Variants in PTPRM observed in about 807,000 individuals in gnomAD.
PTPRM encodes the protein receptor-type tyrosine-protein phosphatase mu.
Under a neutral mutation model 186.7 loss-of-function variants are expected in PTPRM, and 47 were observed. The observed-to-expected ratio is 0.25, with a 90% CI of 0.20 to 0.32. The LOEUF is 0.32. Among genes scored for constraint, PTPRM ranks in the 10% least tolerant of loss-of-function variants. The probability of loss-of-function intolerance (pLI) is 1.00; values close to 1 mark genes in which losing one functional copy is unlikely to be tolerated. For missense variants in PTPRM, 1,494 were observed against 1,865.0 expected (o/e 0.80, Z 3.66); for synonymous variants, 668 against 674.9 (o/e 0.99, Z 0.16).
rs536149949 is a variant in PTPRM at position 8,107,644 on chromosome 18, G to A, written c.1857-5842G>A. On this transcript the variant is annotated intron_variant, in intron 11 of 32. Transcript: ENST00000580170. ...TGAGAGAACATAAAAAATGCTTGTG[G>A]TGCCCCACAAATATTCCACAGCAAT... Among the ~76,000 whole-genome samples, 6 of 152,244 alleles carry A rather than the reference G, an allele frequency of 3.9e-5. No homozygotes were observed. In the East Asian group the frequency reaches 7.7e-4, roughly 20 times the overall value.
At chr18:7,792,712 T>C (rs2043401874) in intron 2 of PTPRM, among the ~76,000 whole-genome samples, 1 of 152,244 alleles carries the variant, frequency 6.6e-6, no homozygotes, top group Admixed American at 6.5e-5. Context: ...TGTCGCCAGC[T>C]GGAGTGCAGT....
At chr18:8,273,642 C>T (rs924863492) in intron 19 of PTPRM, among the ~76,000 whole-genome samples, 2 of 152,160 alleles carry the variant, frequency 1.3e-5, no homozygotes, top group Non-Finnish European at 2.9e-5. Context: ...AAGATCCTCC[C>T]AGTAAAAACA....
chr18:7,630,199 G>A (rs1017686601), intron 1 of PTPRM, among the ~76,000 whole-genome samples: 1 of 152,140 alleles, frequency 6.6e-6, no homozygotes, highest in Non-Finnish European at 1.5e-5. Flanking sequence ...TGAAATTGTC[G>A]AGGGAGCAGG....
In PTPRM at chr18:7,793,614, C is replaced by G. The variant is rs557827682; in HGVS notation, c.196+19343C>G. Among the ~76,000 whole-genome samples the G allele has an allele frequency of 4.6e-5, 7 of 152,180 alleles. No homozygotes were observed. The East Asian group carries it at 1.4e-3, about 29-fold the overall frequency. ...TTTGGCTAAAAGTTGGTTATTTTCC[C>G]CATTCTTCCTTATTCAACAGTGGCT... is the stretch of plus-strand genomic sequence containing the variant. On this transcript the variant is annotated intron_variant, in intron 2 of 32. Coordinates refer to ENST00000580170, the MANE Select transcript of PTPRM (RefSeq NM_001105244.2).
chr18:7,761,935 T>C (rs1403082329), intron 1 of PTPRM, among the ~76,000 whole-genome samples: 1 of 152,210 alleles, frequency 6.6e-6, no homozygotes, highest in African/African-American at 2.4e-5. Context: ...AGATGTTTTT[T>C]CTTCAGCGCT....
chr18:7,658,351 T>TATATATATATATATATATATAC (rs1296978439), intron 1 of PTPRM, among the ~76,000 whole-genome samples: 33 of 133,818 alleles, frequency 2.5e-4, no homozygotes, highest in African/African-American at 9.3e-4. Context: ...TATATATATA[T>TATATATATATATATATATATAC]ATATATATAC....
At chr18:7,704,044 G>C (rs982319993) in intron 1 of PTPRM, among the ~76,000 whole-genome samples, 1 of 152,112 alleles carries the variant, frequency 6.6e-6, no homozygotes, top group East Asian at 1.9e-4. Context: ...TGGTGAATAA[G>C]GTTTTTGATA....
intron 13 of PTPRM, among the ~76,000 whole-genome samples, chr18:8,136,543 T>C (rs1199216742): frequency 6.6e-6 from 1 of 152,172 alleles, no homozygotes; most frequent in Admixed American, 6.5e-5. Context: ...TATGAAAAAT[T>C]ATGTTTCTGA....
At chr18:8,267,424 G>A (rs555932403) in intron 19 of PTPRM, among the ~76,000 whole-genome samples, 14 of 151,288 alleles carry the variant, frequency 9.3e-5, no homozygotes, top group Non-Finnish European at 1.9e-4. Context: ...AAGAAATTTG[G>A]AAATTTTAAA....
intron 2 of PTPRM, among the ~76,000 whole-genome samples, chr18:7,863,934 A>C (rs2047529364): frequency 6.6e-6 from 1 of 152,098 alleles, no homozygotes; most frequent in Non-Finnish European, 1.5e-5. Context: ...TTTGATTTGC[A>C]TTTCTCTAAT....
intron 14 of PTPRM, among the ~76,000 whole-genome samples, chr18:8,216,665 T>C (rs2094090284): frequency 6.6e-6 from 1 of 152,270 alleles, no homozygotes; most frequent in Non-Finnish European, 1.5e-5. Flanking sequence ...TTTGTTTTTC[T>C]TTCAACTGTT....
intron 14 of PTPRM, among the ~76,000 whole-genome samples, chr18:8,204,369 T>C (rs2146878532): frequency 6.6e-6 from 1 of 152,304 alleles, no homozygotes; most frequent in African/African-American, 2.4e-5. Flanking sequence ...TAAAATAGGC[T>C]TGTTTTCTTT....
chr18:7,614,423 A>G (rs932249879), intron 1 of PTPRM, among the ~76,000 whole-genome samples: 2 of 152,210 alleles, frequency 1.3e-5, no homozygotes, highest in African/African-American at 2.4e-5. Flanking sequence ...AAGGTACCCA[A>G]AGAATATTAA....
intron 3 of PTPRM, among the ~76,000 whole-genome samples, chr18:7,900,299 C>G (rs989768721): frequency 6.6e-6 from 1 of 152,142 alleles, no homozygotes; most frequent in African/African-American, 2.4e-5. Flanking sequence ...TCATATAATT[C>G]TCTTGTATCA....
chr18:7,948,410 T>C (rs1284943099), intron 5 of PTPRM, among the ~76,000 whole-genome samples: 1 of 152,050 alleles, frequency 6.6e-6, no homozygotes, highest in Non-Finnish European at 1.5e-5. Context: ...AGCCACGAGG[T>C]TTGAGGCTTT....
Position 8,240,777 on chromosome 18 carries a change from GGAGAGAGAGAGAGAGAGAGAGAGAGA to G in PTPRM, c.2301-3256_2301-3231del, listed in dbSNP as rs747648655. Among the ~76,000 whole-genome samples, 219 of 57,354 alleles carry G rather than the reference GGAGAGAGAGAGAGAGAGAGAGAGAGA, an allele frequency of 3.8e-3. 3 individuals carry two copies. The highest frequency in any genetic ancestry group is 0.017 in the Middle Eastern group (2 of 120). 37.6% of individuals were successfully genotyped at this position (57,354 alleles called of 152,430 possible). On this transcript the variant is annotated intron_variant, in intron 14 of 32. Coordinates refer to ENST00000580170, the MANE Select transcript of PTPRM (RefSeq NM_001105244.2). ...GCGAGGGAGGGAGGGAGAGAGAGAG[GGAGAGAGAGAGAGAGAGAGAGAGAGA>G]GAGAGAGAGAGAGAGAGAGAGAGAA...
intron 19 of PTPRM, among the ~76,000 whole-genome samples, chr18:8,262,784 G>A (rs569465251): frequency 3.0e-4 from 46 of 152,256 alleles, no homozygotes; most frequent in African/African-American, 1.0e-3. Context: ...GTACGTATTT[G>A]ACAAACAATA....
At chr18:8,256,537 C>T (rs983516422) in intron 19 of PTPRM, among the ~76,000 whole-genome samples, 1 of 152,162 alleles carries the variant, frequency 6.6e-6, no homozygotes, top group African/African-American at 2.4e-5. Context: ...GAAGTTGACA[C>T]CATGTTCTTT....
intron 2 of PTPRM, among the ~76,000 whole-genome samples, chr18:7,777,493 G>A (rs898773617): frequency 1.7e-4 from 26 of 152,170 alleles, no homozygotes; most frequent in African/African-American, 5.8e-4. Context: ...ACAGAGACTG[G>A]TCCACAAAGC....
Sources: allele counts gnomAD v4.1 joint callset (sites outside exome capture counted in the v4.1 genomes callset), GRCh38; gene constraint gnomAD v4.1.1; transcripts MANE v1.5; gene names NCBI Gene and HGNC (gene_info 2026-07-23, HGNC 2026-07-21).